MANF: variants seen among roughly 807,000 people sequenced by gnomAD.
MANF encodes mesencephalic astrocyte-derived neurotrophic factor.
Under a neutral mutation model 19.1 loss-of-function variants are expected in MANF, and 9 were observed. The ratio of observed to expected loss-of-function variants is 0.47; its 90% CI spans 0.28 to 0.82. The LOEUF is 0.82. Ranked by LOEUF, MANF falls within the 40% of genes least tolerant of loss-of-function variation. The pLI is 0.10. For synonymous variants in MANF, 89 were observed against 88.0 expected, an observed-to-expected ratio of 1.01 and a Z score of -0.06; for missense variants, 225 against 226.7, an observed-to-expected ratio of 0.99 and a Z score of 0.05.
intron 1 of MANF, chr3:51,385,764 G>T: frequency 3.4e-6 from 1 of 295,154 alleles, no homozygotes; most frequent in Non-Finnish European, 6.2e-6. Flanking sequence ...GAGCTCCAGG[G>T]CTGGCCGTGG....
In MANF at chr3:51,388,916, G is replaced by A. The variant is rs201048315; in HGVS notation, c.376G>A (p.Asp126Asn). The A allele has an allele frequency of 7.0e-6, 11 of 1,573,406 alleles. No individual in the cohort carries two copies. The highest frequency in any genetic ancestry group is 1.7e-4 in the Middle Eastern group (1 of 5,970). Residue 126 changes from aspartate to asparagine, a missense_variant, in exon 4 of 4, where the codon GAC becomes AAC. Physicochemically the swap from Asp to Asn is conservative, Grantham distance 23. Coordinates refer to ENST00000528157, the MANE Select transcript of MANF (RefSeq NM_006010.6). Reference sequence around the variant, plus strand: ...GCTCTCTCCTCCAGACAAGCAGATCGACCTGAGCACAGTGGACCTGAAGAA... The same window carrying A: ...GCTCTCTCCTCCAGACAAGCAGATCAACCTGAGCACAGTGGACCTGAAGAA... The part of the protein sequence containing the change: ...ICELKYDKQI[D>N]LSTVDLKKLR...
Position 51,389,258 on chromosome 3 carries a change from ATTCCCT to A in MANF, c.*171_*176del, listed in dbSNP as rs2106637788. 1.7e-6 allele frequency: 1 copy of A among 576,158 alleles called. No homozygotes were observed. Among genetic ancestry groups the A allele is most frequent in the African/African-American group, 1.9e-5 (1 of 51,892 alleles). 35.7% of individuals were successfully genotyped at this position (576,158 alleles called of 1,614,324 possible). A position where few individuals can be genotyped will look rare whatever the true frequency, so the allele number is the denominator to read the frequency against. On this transcript the variant is annotated 3_prime_UTR_variant, in exon 4 of 4. Coordinates refer to ENST00000528157, the MANE Select transcript of MANF (RefSeq NM_006010.6). The stretch of plus-strand genomic sequence containing the variant: ...GGCCCTACAGTACCCCCATGAGGGG[ATTCCCT>A]TCCTTCTGTTGCTGGTGTACTCTAG...
intron 3 of MANF, 26 bp from the exon 4 acceptor site, chr3:51,388,879 G>C: frequency 6.5e-7 from 1 of 1,528,206 alleles, no homozygotes; most frequent in Non-Finnish European, 8.8e-7. Flanking sequence ...CACCCAGTCA[G>C]TGACTCTCCC....
At chr3:51,387,024 C>T (rs781956666) in intron 2 of MANF, 3 of 439,118 alleles carry the variant, frequency 6.8e-6, no homozygotes, top group Non-Finnish European at 1.4e-5. Flanking sequence ...GGCAGGGCAC[C>T]GAAAAATGCC....
At chr3:51,387,712 A>C (rs1553621043) in intron 2 of MANF, 25 bp from the exon 3 acceptor site, 1 of 1,605,884 alleles carries the variant, frequency 6.2e-7, no homozygotes, top group Non-Finnish European at 8.5e-7. Flanking sequence ...CACCTCCTGA[A>C]GGCCATTGTC....
Position 51,385,442 on chromosome 3 carries a change from G to A in MANF, c.94+6G>A, listed in dbSNP as rs1577015477. 3 of 1,231,516 alleles carry A rather than the reference G, an allele frequency of 2.4e-6. No homozygotes were observed. The highest frequency in any genetic ancestry group is 3.0e-6 in the Non-Finnish European group (3 of 986,836). The allele number at this position is 1,231,516 out of a possible 1,614,324, so 76.3% of individuals were successfully genotyped here. On this transcript the variant is annotated splice_donor_region_variant and intron_variant, in intron 1 of 3. Transcript: ENST00000528157. ...GCGGCCGGGCGACTGCGAAGGTGCG[G>A]GATAGGGGGCCGGGGGCCGCGCTCC...
chr3:51,386,808 A>G (rs1475490952), intron 2 of MANF: 1 of 453,482 alleles, frequency 2.2e-6, no homozygotes, highest in Non-Finnish European at 4.4e-6. Flanking sequence ...GGGTGCCTAC[A>G]GGATAGGCAA....
rs782168398 is a variant in MANF at position 51,386,271 on chromosome 3, C to A, written c.158C>A (p.Pro53Gln). 6.2e-7 allele frequency: 1 copy of A among 1,613,760 alleles called. No homozygotes were observed. Among genetic ancestry groups the A allele is most frequent in the South Asian group, 1.1e-5 (1 of 91,076 alleles). Residue 53 changes from proline (P) to glutamine (Q), a missense_variant, in exon 2 of 4, where the codon CCA (proline) becomes CAA (glutamine). Pro to Gln is a moderately conservative substitution (Grantham distance 76). Transcript: ENST00000528157. The stretch of plus-strand genomic sequence containing the variant: ...AAAGACAGAGATGTCACATTCTCAC[C>A]AGCCACTATTGAAAACGAACTTATA... ...DLKDRDVTFS[P>Q]ATIENELIKF...
At chr3:51,387,714 G>T in intron 2 of MANF, 23 bp from the exon 3 acceptor site, 2 of 1,606,300 alleles carry the variant, frequency 1.2e-6, no homozygotes, top group Non-Finnish European at 1.7e-6. Flanking sequence ...CCTCCTGAAG[G>T]CCATTGTCCT....
Position 51,389,008 on chromosome 3 carries a change from A to G in MANF, c.468A>G (p.Glu156=), listed in dbSNP as rs1034976709. 1 of 1,611,454 alleles carries G rather than the reference A, an allele frequency of 6.2e-7. No individual in the cohort carries two copies. Among genetic ancestry groups the G allele is most frequent in the Non-Finnish European group, 8.5e-7 (1 of 1,178,730 alleles). ...DWGETCKGCA[E]KSDYIRKINE... ...GGGAGACATGCAAAGGCTGTGCAGA[A>G]AAGTCTGACTACATCCGGAAGATAA... is the stretch of plus-strand genomic sequence containing the variant. The change falls in exon 4 of 4, where the codon GAA becomes GAG. Residue 156 remains glutamate (E), a synonymous_variant. Coordinates refer to ENST00000528157, the MANE Select transcript of MANF (RefSeq NM_006010.6).
intron 2 of MANF, 66 bp from the exon 3 acceptor site, chr3:51,387,671 G>A: frequency 1.5e-5 from 22 of 1,473,186 alleles, no homozygotes; most frequent in Non-Finnish European, 2.1e-5. Context: ...GTTTCAAGGT[G>A]TCAGTATGTT....
At chr3:51,388,365 T>A (rs1553621093) in intron 3 of MANF, among the ~76,000 whole-genome samples, 1 of 152,218 alleles carries the variant, frequency 6.6e-6, no homozygotes, top group African/African-American at 2.4e-5. Context: ...AACTACAGCA[T>A]CTCTCTTGCT....
intron 2 of MANF, 134 bp downstream of exon 2, chr3:51,386,469 A>G: frequency 1.1e-6 from 1 of 941,532 alleles, no homozygotes; most frequent in South Asian, 1.7e-5. Flanking sequence ...TAATGTGAGA[A>G]GACTGAAGTG....
At position 51,385,301 on chromosome 3, in the gene MANF, C is replaced by T. The variant is rs1553620629; in HGVS notation, c.-42C>T. On this transcript the variant is annotated 5_prime_UTR_variant, in exon 1 of 4. Coordinates refer to ENST00000528157, the MANE Select transcript of MANF (RefSeq NM_006010.6). ...CGGCGGGTGCGGTTCAGTCGGTCGG[C>T]GGCGGCAGCGGAGGAGGAGGAGGAG... The T allele has an allele frequency of 8.4e-7, 1 of 1,184,104 alleles. No homozygotes were observed. The highest frequency in any genetic ancestry group is 2.6e-4 in the Middle Eastern group (1 of 3,856). The allele number at this position is 1,184,104 out of a possible 1,614,324, so 73.3% of individuals were successfully genotyped here.
At chr3:51,386,112 T>G (rs2088956861) in intron 1 of MANF, 96 bp from the exon 2 acceptor site, 1 of 1,318,490 alleles carries the variant, frequency 7.6e-7, no homozygotes, top group South Asian at 1.3e-5. Context: ...ATGATTCATC[T>G]CCGTGTCTCC....
chr3:51,387,603 G>C (rs1157608958), intron 2 of MANF, 134 bp from the exon 3 acceptor site: 1 of 786,368 alleles, frequency 1.3e-6, no homozygotes, highest in Non-Finnish European at 2.0e-6. Context: ...CTGCATTCCA[G>C]CCTGGGTGAC....
At chr3:51,386,394 C>A (rs1426876590) in intron 2 of MANF, 59 bp downstream of exon 2, 3 of 1,598,676 alleles carry the variant, frequency 1.9e-6, no homozygotes, top group Non-Finnish European at 2.6e-6. Context: ...TCGGCTTCAC[C>A]AGCCGTTTGA....
intron 1 of MANF, chr3:51,385,967 G>C: frequency 1.9e-6 from 1 of 515,844 alleles, no homozygotes; most frequent in African/African-American, 1.9e-5. Context: ...GCAGGGAGAA[G>C]TCGTTTATAG....
Position 51,385,322 on chromosome 3 carries a change from AG to A in MANF, c.-19del. ...TCGGCGGCGGCAGCGGAGGAGGAGGAGGAGGAGGAGGATGAGGAGGATGAGG... is the reference window on the plus strand; with the variant it reads ...TCGGCGGCGGCAGCGGAGGAGGAGGAGAGGAGGAGGATGAGGAGGATGAGG... On this transcript the variant is annotated 5_prime_UTR_variant, in exon 1 of 4. Coordinates refer to ENST00000528157, the MANE Select transcript of MANF (RefSeq NM_006010.6). 1 of 1,222,138 alleles carries A rather than the reference AG, an allele frequency of 8.2e-7. No individual in the cohort carries two copies. The highest frequency in any genetic ancestry group is 1.0e-6 in the Non-Finnish European group (1 of 976,594). 75.7% of individuals were successfully genotyped at this position (1,222,138 alleles called of 1,614,324 possible). A position where few individuals can be genotyped will look rare whatever the true frequency, so the allele number is the denominator to read the frequency against.
Sources: allele counts gnomAD v4.1 joint callset (sites outside exome capture counted in the v4.1 genomes callset), GRCh38; gene constraint gnomAD v4.1.1; transcripts MANE v1.5; gene names NCBI Gene and HGNC (gene_info 2026-07-23, HGNC 2026-07-21).